The following CHST15 variants were observed in gnomAD, a reference collection of about 807,000 sequenced individuals.
The protein encoded by CHST15 is carbohydrate sulfotransferase 15, also known as B cell RAG associated protein (GALNAC4S-6ST).
In CHST15, 30 loss-of-function variants were observed where a neutral mutation model predicts 53.6. That is an observed-to-expected ratio of 0.56 (90% CI 0.42 to 0.76). The LOEUF (loss-of-function observed/expected upper bound fraction) is 0.76, where lower values mean the gene tolerates loss of function less well. Ranked by LOEUF, CHST15 falls within the 30% of genes least tolerant of loss-of-function variation. The pLI, the probability that CHST15 is intolerant of heterozygous loss-of-function variation, is 0.00. For missense variants in CHST15, 627 were observed against 740.5 expected, an observed-to-expected ratio of 0.85 and a Z score of 1.78; for synonymous variants, 296 against 289.8, an observed-to-expected ratio of 1.02 and a Z score of -0.22.
chr10:124,016,785 T>C (rs115799006), intron 6 of CHST15, among the ~76,000 whole-genome samples: 2,032 of 152,254 alleles, frequency 0.013, 32 homozygotes, highest in African/African-American at 0.043. Flanking sequence ...TTGAAAGGGC[T>C]TGGGACAGGG....
chr10:124,039,357 G>C (rs1458308758), intron 4 of CHST15, among the ~76,000 whole-genome samples: 1 of 152,210 alleles, frequency 6.6e-6, no homozygotes, highest in African/African-American at 2.4e-5. Context: ...GCTGGTACTA[G>C]ATGATTTCCT....
chr10:124,021,238 G>GGGGT lies in CHST15; in HGVS notation c.1347+17_1347+18insACCC. 2 of 770,898 alleles carry GGGGT rather than the reference G, an allele frequency of 2.6e-6. No homozygotes were observed. The highest frequency in any genetic ancestry group is 3.4e-6 in the Non-Finnish European group (2 of 588,102). The allele number at this position is 770,898 out of a possible 1,614,324, so 47.8% of individuals were successfully genotyped here. A position where few individuals can be genotyped will look rare whatever the true frequency, so the allele number is the denominator to read the frequency against. ...GCCAGGGGCCAGCTCGGGGGGTACGGGGGGGGGGGGTACACACAGGCATGG... is the reference window on the plus strand; with the variant it reads ...GCCAGGGGCCAGCTCGGGGGGTACGGGGGTGGGGGGGGGGTACACACAGGCATGG... On this transcript the variant is annotated intron_variant, in intron 6 of 7. Transcript: ENST00000435907.
intron 5 of CHST15, among the ~76,000 whole-genome samples, chr10:124,027,280 G>C (rs930204106): frequency 6.6e-6 from 1 of 152,116 alleles, no homozygotes; most frequent in Non-Finnish European, 1.5e-5. Flanking sequence ...GATGGGAAAT[G>C]TATGTTAGGG....
At chr10:124,063,856 G>C (rs1948669115) in intron 1 of CHST15, among the ~76,000 whole-genome samples, 1 of 152,226 alleles carries the variant, frequency 6.6e-6, no homozygotes. Context: ...CAGAGAGGTA[G>C]AGTAGAGAGG....
chr10:124,060,950 T>C (rs762957847), intron 1 of CHST15, among the ~76,000 whole-genome samples: 1 of 152,150 alleles, frequency 6.6e-6, no homozygotes, highest in Admixed American at 6.5e-5. Flanking sequence ...TGCCATTTTA[T>C]GGCAGGCATC....
chr10:124,046,404 G>C lies in CHST15; in HGVS notation c.-192C>G. The C allele has an allele frequency of 1.8e-6, 1 of 557,734 alleles. No individual in the cohort carries two copies. The highest frequency in any genetic ancestry group is 2.8e-5 in the South Asian group (1 of 35,514). The allele number at this position is 557,734 out of a possible 1,614,324, so 34.5% of individuals were successfully genotyped here. ...AAGAGGGTGCACATTCTTTGGTTCAGCTCCGAAAGAAAACAAAAGGAAGTG... is the reference window on the plus strand; with the variant it reads ...AAGAGGGTGCACATTCTTTGGTTCACCTCCGAAAGAAAACAAAAGGAAGTG... On this transcript the variant is annotated 5_prime_UTR_variant, in exon 2 of 8. Coordinates refer to ENST00000435907, the MANE Select transcript of CHST15 (RefSeq NM_001270764.2).
At position 124,019,856 on chromosome 10, in the gene CHST15, C is replaced by T. The variant is rs1226420572; in HGVS notation, c.1347+1400G>A. Reference sequence around the variant, plus strand: ...CGCACCCAAGCCCCCTGCCTCAGTGCCCCCCATCTCCCACACCAGGCGGCT... The same window carrying T: ...CGCACCCAAGCCCCCTGCCTCAGTGTCCCCCATCTCCCACACCAGGCGGCT... On this transcript the variant is annotated intron_variant, in intron 6 of 7. Coordinates refer to ENST00000435907, the MANE Select transcript of CHST15 (RefSeq NM_001270764.2). The surrounding 1 kb of genome is among the most constrained non-coding windows in gnomAD (Gnocchi z 4.6). 1.5e-5 allele frequency: 15 copies of T among 985,850 alleles called. No homozygotes were observed. The highest frequency in any genetic ancestry group is 1.8e-5 in the Non-Finnish European group (15 of 830,352). The allele number at this position is 985,850 out of a possible 1,614,324, so 61.1% of individuals were successfully genotyped here.
In CHST15 at chr10:124,046,074, C is replaced by A; in HGVS notation, c.139G>T (p.Val47Leu). 6.2e-7 allele frequency: 1 copy of A among 1,614,252 alleles called. No individual in the cohort carries two copies. Among genetic ancestry groups the A allele is most frequent in the Non-Finnish European group, 8.5e-7 (1 of 1,180,052 alleles). The change falls in exon 2 of 8, where the codon GTG becomes TTG. Residue 47 changes from valine to leucine, a missense_variant. Around this residue, in one of 3 missense-constraint regions of CHST15, gnomAD observed 187 missense variants for 251.8 expected, o/e 0.74. Transcript: ENST00000435907. ...AGCAAGTTCATCTGCTTACTGTCCA[C>A]ACGAAACAGAATTTTGTTTTCTCCT... ...CKGENKILFR[V>L]DSKQMNLLAV... is the part of the protein sequence containing the mutation.
chr10:124,050,643 G>T (rs1948157882), intron 1 of CHST15, among the ~76,000 whole-genome samples: 1 of 152,206 alleles, frequency 6.6e-6, no homozygotes, highest in East Asian at 1.9e-4. Context: ...CTGCCTTAAA[G>T]AAGTGGGAGG....
intron 5 of CHST15, among the ~76,000 whole-genome samples, chr10:124,022,238 C>T (rs529286367): frequency 7.7e-4 from 117 of 152,336 alleles, no homozygotes; most frequent in African/African-American, 2.7e-3. Context: ...TGAGCTTCTG[C>T]AATAGGCCCC....
intron 1 of CHST15, among the ~76,000 whole-genome samples, chr10:124,059,247 C>A (rs957698442): frequency 2.0e-5 from 3 of 152,270 alleles, no homozygotes; most frequent in African/African-American, 4.8e-5. Flanking sequence ...TATAATTATT[C>A]TTTTTGCACG....
intron 5 of CHST15, among the ~76,000 whole-genome samples, chr10:124,035,897 G>T (rs913467449): frequency 2.0e-5 from 3 of 152,126 alleles, no homozygotes; most frequent in African/African-American, 7.2e-5. Context: ...CCATGCCCAC[G>T]TCCCCACTGG....
intron 1 of CHST15, among the ~76,000 whole-genome samples, chr10:124,053,345 T>C (rs747520867): frequency 1.3e-5 from 2 of 152,084 alleles, no homozygotes; most frequent in South Asian, 4.1e-4. Context: ...TGTGTACTCA[T>C]TTGTCCTCTT....
At chr10:124,048,865 C>G (rs1263366008) in intron 1 of CHST15, among the ~76,000 whole-genome samples, 1 of 152,144 alleles carries the variant, frequency 6.6e-6, no homozygotes, top group African/African-American at 2.4e-5. Flanking sequence ...CATTCCTAAA[C>G]AAGGGCAGGG....
intron 1 of CHST15, among the ~76,000 whole-genome samples, chr10:124,053,591 G>T (rs1433074569): frequency 6.6e-6 from 1 of 151,572 alleles, no homozygotes; most frequent in Non-Finnish European, 1.5e-5. Context: ...CCTCCCAGAG[G>T]TTGGCTACCA....
At chr10:124,056,934 C>T (rs1273570765) in intron 1 of CHST15, among the ~76,000 whole-genome samples, 7 of 151,968 alleles carry the variant, frequency 4.6e-5, no homozygotes, top group African/African-American at 1.7e-4. Flanking sequence ...TACGACCGGA[C>T]ACTCTGAGGC....
rs563130729 is a variant in CHST15 at position 124,047,343 on chromosome 10, C to T, written c.-512-619G>A. ...TAGAATGTATCATATTAAAAAACTA[C>T]TTGACTTTAAGTTATTAAGCAATTA... is the stretch of plus-strand genomic sequence containing the variant. On this transcript the variant is annotated intron_variant, in intron 1 of 7. Coordinates refer to ENST00000435907, the MANE Select transcript of CHST15 (RefSeq NM_001270764.2). Among the ~76,000 whole-genome samples, 22 of 152,322 alleles carry T rather than the reference C, an allele frequency of 1.4e-4. No homozygotes were observed. The South Asian group carries it at 4.6e-3, about 32-fold the overall frequency.
rs760080553 is a variant in CHST15, at chr10:124,010,115, G to A, written c.*34C>T. The A allele has an allele frequency of 1.2e-6, 2 of 1,608,460 alleles. No homozygotes were observed. The highest frequency in any genetic ancestry group is 2.2e-5 in the South Asian group (2 of 90,884). ...GTAAAATCCTGATGATGACGGCATT[G>A]GCGGGCCCAGCACGTGCAGCAACAA... On this transcript the variant is annotated 3_prime_UTR_variant, in exon 8 of 8. Coordinates refer to ENST00000435907, the MANE Select transcript of CHST15 (RefSeq NM_001270764.2).
At chr10:124,011,532 G>A (rs1047372536) in intron 7 of CHST15, 7 of 985,322 alleles carry the variant, frequency 7.1e-6, no homozygotes, top group Non-Finnish European at 8.4e-6. Flanking sequence ...CATTAGTCAG[G>A]GCTGCAGGAG....
Sources: allele counts gnomAD v4.1 joint callset (sites outside exome capture counted in the v4.1 genomes callset), GRCh38; gene constraint gnomAD v4.1.1; regional missense constraint gnomAD v4.1.1; non-coding constraint Gnocchi (gnomAD v3.1); transcripts MANE v1.5; gene names NCBI Gene and HGNC (gene_info 2026-07-23, HGNC 2026-07-21).